ARHGEF10L: variants seen among roughly 807,000 people sequenced by gnomAD.
ARHGEF10L encodes Rho guanine nucleotide exchange factor 10 like, also known as rho guanine nucleotide exchange factor 10-like protein.
ARHGEF10L carries 69 observed loss-of-function variants against 141.2 expected under a neutral mutation model. The observed-to-expected ratio is 0.49, with a 90% confidence interval of 0.40 to 0.60. ARHGEF10L has a LOEUF of 0.60. Among genes scored for constraint, ARHGEF10L ranks in the 20% least tolerant of loss-of-function variants. The probability of loss-of-function intolerance (pLI) is 0.00; values close to 1 mark genes in which losing one functional copy is unlikely to be tolerated. For missense variants in ARHGEF10L, 1,482 were observed against 1,734.3 expected (o/e 0.85, Z 2.58); for synonymous variants, 711 against 718.5 (o/e 0.99, Z 0.17).
chr1:17,667,958 G>C (rs547361594), intron 26 of ARHGEF10L, among the ~76,000 whole-genome samples: 1 of 152,342 alleles, frequency 6.6e-6, no homozygotes, highest in African/African-American at 2.4e-5. Context: ...GGCTGCTTCA[G>C]ACGGGACCGT....
At chr1:17,578,347 C>T (rs1483766941) in intron 1 of ARHGEF10L, among the ~76,000 whole-genome samples, 1 of 152,170 alleles carries the variant, frequency 6.6e-6, no homozygotes, top group African/African-American at 2.4e-5. Flanking sequence ...GTCTAAAAGG[C>T]ACAGTCACAC....
At chr1:17,638,049 G>T in intron 19 of ARHGEF10L, 46 bp downstream of exon 19, 2 of 1,512,288 alleles carry the variant, frequency 1.3e-6, no homozygotes, top group South Asian at 2.4e-5. Context: ...CCCCAGTGTG[G>T]GCAGTGCCTG....
rs1256433962 is a variant in ARHGEF10L at position 17,656,557 on chromosome 1, C to G, written c.2709C>G (p.Ile903Met). 2 of 1,609,914 alleles carry G rather than the reference C, an allele frequency of 1.2e-6. No individual in the cohort carries two copies. Among genetic ancestry groups the G allele is most frequent in the Admixed American group, 3.3e-5 (2 of 59,910 alleles). The part of the protein sequence containing the change: ...TICLGLQDGS[I>M]LLYSSVDTGT... ...CTTCTCCAACCTCTCCCCGCAGCATCCTCCTCTACAGCAGTGTGGACACTG... is the reference window on the plus strand; with the variant it reads ...CTTCTCCAACCTCTCCCCGCAGCATGCTCCTCTACAGCAGTGTGGACACTG... The change falls in exon 25 of 29, where the codon ATC becomes ATG. Residue 903 changes from isoleucine to methionine, a missense_variant. Ile to Met is a conservative substitution (Grantham distance 10). Transcript: ENST00000361221. The surrounding 1 kb of genome is among the most constrained non-coding windows in gnomAD (Gnocchi z 4.9).
At chr1:17,692,947 G>A (rs1427481666) in intron 27 of ARHGEF10L, among the ~76,000 whole-genome samples, 2 of 152,086 alleles carry the variant, frequency 1.3e-5, no homozygotes, top group South Asian at 2.1e-4. Context: ...GGCCACCTCC[G>A]CCTTGTCACC....
At chr1:17,634,377 C>T (rs1483870272) in intron 16 of ARHGEF10L, 171 bp from the exon 17 acceptor site, 2 of 1,026,462 alleles carry the variant, frequency 1.9e-6, no homozygotes, top group African/African-American at 3.2e-5. Context: ...TGAAGGAAGG[C>T]CCGCTTCTGT....
Position 17,697,389 on chromosome 1 carries a change from C to T in ARHGEF10L, c.*9C>T, listed in dbSNP as rs750507090. On this transcript the variant is annotated 3_prime_UTR_variant, in exon 29 of 29. Transcript: ENST00000361221. The surrounding 1 kb of genome is among the most constrained non-coding windows in gnomAD (Gnocchi z 4.8). ...TGCCCTTGATGCTATAGCGCCTCCC[C>T]TCTCCCCTCAGAGGGCACAGCTGCA... 10 of 1,574,560 alleles carry T rather than the reference C, an allele frequency of 6.4e-6. No individual in the cohort carries two copies. The African/African-American group carries it at 1.2e-4, about 19-fold the overall frequency.
At position 17,637,971 on chromosome 1, in the gene ARHGEF10L, C is replaced by CTTCT. The variant is rs766288846; in HGVS notation, c.2012_2015dup (p.Ile673SerfsTer59). On this transcript the variant is annotated frameshift_variant, in exon 19 of 29. Transcript: ENST00000361221. LOFTEE classifies it high-confidence loss of function. ...CCTGGCCGTGGTGGAGCAGATCACG[C>CTTCT]TTCTCATCAGCACGCTGCACGGCAC... The CTTCT allele has an allele frequency of 6.3e-7, 1 of 1,598,666 alleles. No individual in the cohort carries two copies. Among genetic ancestry groups the CTTCT allele is most frequent in the Non-Finnish European group, 8.5e-7 (1 of 1,172,564 alleles).
At chr1:17,535,844 GC>G (rs2076568258), upstream of ARHGEF10L, among the ~76,000 whole-genome samples, 1 of 152,200 alleles carries the variant, frequency 6.6e-6, no homozygotes, top group South Asian at 2.1e-4. Flanking sequence ...TCGTGTCTAT[GC>G]TGCACCAGGT....
rs115792703 is a variant in ARHGEF10L, at chr1:17,640,224, A to T, written c.2194A>T (p.Met732Leu). ...CAGGTCCGGCCGCCCCATTAGCTTC[A>T]TGGTGGTTTTCATCACCCCCAACCC... is the stretch of plus-strand genomic sequence containing the variant. ...PDKSGRPISF[M>L]VVFITPNPLS... Residue 732 changes from methionine to leucine, a missense_variant, in exon 21 of 29, where the codon ATG becomes TTG. Around this residue, in one of 3 missense-constraint regions of ARHGEF10L, gnomAD observed 858 missense variants for 966.3 expected, o/e 0.89. Coordinates refer to ENST00000361221, the MANE Select transcript of ARHGEF10L (RefSeq NM_018125.4). The T allele has an allele frequency of 3.7e-6, 6 of 1,612,656 alleles. No homozygotes were observed. Among genetic ancestry groups the T allele is most frequent in the Non-Finnish European group, 5.1e-6 (6 of 1,179,448 alleles).
intron 1 of ARHGEF10L, among the ~76,000 whole-genome samples, chr1:17,550,657 A>AG (rs1389422103): frequency 6.7e-6 from 1 of 149,586 alleles, no homozygotes; most frequent in East Asian, 2.0e-4. Context: ...AACGAAAAAA[A>AG]AAAAGCCAAA....
intron 20 of ARHGEF10L, 86 bp from the exon 21 acceptor site, chr1:17,640,116 G>C: frequency 6.6e-7 from 1 of 1,522,782 alleles, no homozygotes; most frequent in South Asian, 1.2e-5. Context: ...AGGGCGCGTG[G>C]GTTGGAGGAA....
intron 25 of ARHGEF10L, 50 bp from the exon 26 acceptor site, chr1:17,664,397 A>C: frequency 6.3e-7 from 1 of 1,576,396 alleles, no homozygotes; most frequent in South Asian, 1.1e-5. Context: ...TTCCCAGGAG[A>C]CCTGCTTGCC....
chr1:17,553,236 G>T (rs2077181969), intron 1 of ARHGEF10L, among the ~76,000 whole-genome samples: 1 of 152,214 alleles, frequency 6.6e-6, no homozygotes, highest in Non-Finnish European at 1.5e-5. Context: ...CCAGCCAGAA[G>T]AGCTTGGGCA....
chr1:17,556,238 TGG>T (rs1326386246), intron 1 of ARHGEF10L, among the ~76,000 whole-genome samples: 1 of 80,986 alleles, frequency 1.2e-5, no homozygotes, highest in Non-Finnish European at 2.2e-5. Flanking sequence ...GAGGTGAGCC[TGG>T]GAGCATAGAG....
chr1:17,599,937 G>A (rs1157836942), intron 4 of ARHGEF10L, among the ~76,000 whole-genome samples: 1 of 152,226 alleles, frequency 6.6e-6, no homozygotes, highest in Non-Finnish European at 1.5e-5. Context: ...CATGTCAAGT[G>A]CTCAATAGCC....
At chr1:17,682,188 A>G (rs1037368074) in intron 26 of ARHGEF10L, among the ~76,000 whole-genome samples, 3 of 152,156 alleles carry the variant, frequency 2.0e-5, no homozygotes, top group African/African-American at 4.8e-5. Context: ...CCCTGGCTAG[A>G]GTCACTGCCT....
At chr1:17,544,052 T>G (rs2076829462) in intron 1 of ARHGEF10L, among the ~76,000 whole-genome samples, 1 of 151,000 alleles carries the variant, frequency 6.6e-6, no homozygotes. Flanking sequence ...GTTCAAGTGA[T>G]TCTCCTGCCT....
intron 26 of ARHGEF10L, among the ~76,000 whole-genome samples, chr1:17,681,278 T>C (rs1033222824): frequency 1.3e-5 from 2 of 152,194 alleles, no homozygotes; most frequent in African/African-American, 4.8e-5. Context: ...TCGGCATGTC[T>C]CTTCAACGTA....
intron 27 of ARHGEF10L, among the ~76,000 whole-genome samples, chr1:17,691,529 A>G (rs1032482367): frequency 4.0e-5 from 6 of 151,858 alleles, no homozygotes; most frequent in African/African-American, 1.5e-4. Flanking sequence ...AAAATTCACC[A>G]CTGTCCCCTC....
Sources: gnomAD v4.1 joint callset for allele counts (sites outside exome capture counted in the v4.1 genomes callset) on GRCh38, gnomAD v4.1.1 for gene constraint, gnomAD v4.1.1 regional missense constraint, Gnocchi (gnomAD v3.1) non-coding constraint, MANE v1.5 for transcripts, NCBI Gene and HGNC (gene_info 2026-07-23, HGNC 2026-07-21) for gene names.